The following SYNE1 variants were observed in gnomAD, a reference collection of about 807,000 sequenced individuals.
The protein encoded by SYNE1 is nesprin-1.
SYNE1 carries 616 observed loss-of-function variants against 1,111.0 expected under a neutral mutation model. The observed-to-expected ratio is 0.55, with a 90% CI of 0.52 to 0.59. SYNE1 has a LOEUF of 0.59. Ranked by LOEUF, SYNE1 falls within the 20% of genes least tolerant of loss-of-function variation. The pLI is 0.00. For missense variants in SYNE1, 10,006 were observed against 10,417.0 expected, an observed-to-expected ratio of 0.96 and a Z score of 1.72; for synonymous variants, 3,855 against 3,825.8, an observed-to-expected ratio of 1.01 and a Z score of -0.28.
At chr6:152,189,219 TC>T in intron 128 of SYNE1, 32 bp downstream of exon 128, 1 of 1,611,334 alleles carries the variant, frequency 6.2e-7, no homozygotes, top group Non-Finnish European at 8.5e-7. Context: ...TTTTCCATCA[TC>T]AAGATAATTC....
chr6:152,419,066 G>A (rs1411996550), intron 40 of SYNE1, among the ~76,000 whole-genome samples: 1 of 152,046 alleles, frequency 6.6e-6, no homozygotes, highest in Admixed American at 6.6e-5. Flanking sequence ...CTGTTAATTG[G>A]TCTATTGTCA....
intron 108 of SYNE1, among the ~76,000 whole-genome samples, chr6:152,237,685 A>G (rs1283567332): frequency 6.6e-6 from 1 of 152,212 alleles, no homozygotes; most frequent in Non-Finnish European, 1.5e-5. Flanking sequence ...TTTGCCTTTC[A>G]TGTAACGAGT....
In SYNE1 at chr6:152,350,351, T is replaced by C. The variant is rs2096719528; in HGVS notation, c.11734-16A>G. ...AGACATGCTCCTGCAAAACCAGGTG[T>C]CCATCAGAGATGACTTTCAAGTGAA... On this transcript the variant is annotated splice_polypyrimidine_tract_variant and intron_variant, in intron 71 of 145. Coordinates refer to ENST00000367255, the MANE Select transcript of SYNE1 (RefSeq NM_182961.4). The C allele has an allele frequency of 6.2e-7, 1 of 1,614,100 alleles. No individual in the cohort carries two copies. Among genetic ancestry groups the C allele is most frequent in the East Asian group, 2.2e-5 (1 of 44,882 alleles).
In SYNE1 at chr6:152,321,353, A is replaced by G. The variant is rs145746213; in HGVS notation, c.16121T>C (p.Ile5374Thr). The G allele has an allele frequency of 1.9e-6, 3 of 1,613,860 alleles. No homozygotes were observed. Among genetic ancestry groups the G allele is most frequent in the East Asian group, 2.2e-5 (1 of 44,820 alleles). Reference protein sequence around the residue: ...LTEATNHRQNIEKMAEEQKEK... With the variant: ...LTEATNHRQNTEKMAEEQKEK... ...CTTCTGTTCTTCTGCCATTTTTTCA[A>G]TGTTCTGTCGGTGATTTGTGGCTTC... Residue 5374 changes from isoleucine (I) to threonine (T), a missense_variant, in exon 84 of 146, where the codon ATT (isoleucine) becomes ACT (threonine). Ile to Thr is a moderately conservative substitution (Grantham distance 89). This residue lies in a region of SYNE1 where 4,955 missense variants were observed against 5,017.2 expected (regional missense o/e 0.99). Transcript: ENST00000367255.
rs1491325286 is a variant in SYNE1, at chr6:152,596,265, T to TG, written c.67+31999dup. Among the ~76,000 whole-genome samples the TG allele has an allele frequency of 3.9e-3, 454 of 117,728 alleles. 8 individuals are homozygous for TG. The highest frequency in any genetic ancestry group is 0.014 in the African/African-American group (433 of 31,692). The allele number at this position is 117,728 out of a possible 152,430, so 77.2% of individuals were successfully genotyped here. On this transcript the variant is annotated intron_variant, in intron 3 of 145. Transcript: ENST00000367255. ...AAAGTTATGATTACAGTTTTTTGTT[T>TG]GTTTGTTTTTTTTTTTTTTTGAGAT...
intron 3 of SYNE1, among the ~76,000 whole-genome samples, chr6:152,552,278 A>G (rs1337960803): frequency 6.6e-6 from 1 of 152,116 alleles, no homozygotes; most frequent in African/African-American, 2.4e-5. Flanking sequence ...GCTTTTCATC[A>G]AATTACTGCT....
intron 3 of SYNE1, among the ~76,000 whole-genome samples, chr6:152,566,336 T>C (rs1245348461): frequency 6.8e-6 from 1 of 146,746 alleles, no homozygotes; most frequent in Non-Finnish European, 1.5e-5. Context: ...CCTTTCTTTG[T>C]ATTTTCGTTT....
At chr6:152,501,506 A>G (rs2099029783) in intron 10 of SYNE1, among the ~76,000 whole-genome samples, 1 of 152,202 alleles carries the variant, frequency 6.6e-6, no homozygotes, top group Non-Finnish European at 1.5e-5. Flanking sequence ...AGGCAGAGGC[A>G]GGCAGATCAC....
In SYNE1 at chr6:152,236,710, A is replaced by G; in HGVS notation, c.20199+107T>C. ...ATCTCCTTTCAATGTCAATAACTTG[A>G]AAGAAAAGTAAAAGTACTAATAAAA... On this transcript the variant is annotated intron_variant, in intron 109 of 145. Transcript: ENST00000367255. 6 of 1,351,934 alleles carry G rather than the reference A, an allele frequency of 4.4e-6. No homozygotes were observed. In the South Asian group the frequency reaches 7.2e-5, roughly 16 times the overall value. 83.7% of individuals were successfully genotyped at this position (1,351,934 alleles called of 1,614,324 possible). A position where few individuals can be genotyped will look rare whatever the true frequency, so the allele number is the denominator to read the frequency against.
chr6:152,315,961 G>A (rs2095707368), intron 87 of SYNE1: 1 of 152,084 alleles, frequency 6.6e-6, no homozygotes, highest in East Asian at 1.9e-4. Flanking sequence ...AGGCCACAAG[G>A]ATACATAAAT....
chr6:152,506,829 G>A (rs866134793), intron 8 of SYNE1, among the ~76,000 whole-genome samples: 7 of 152,018 alleles, frequency 4.6e-5, no homozygotes, highest in Non-Finnish European at 5.9e-5. Flanking sequence ...CACCTGCCTC[G>A]GCCCCCCAAA....
At chr6:152,166,166 G>T (rs1245597686) in intron 130 of SYNE1, among the ~76,000 whole-genome samples, 1 of 152,036 alleles carries the variant, frequency 6.6e-6, no homozygotes, top group Non-Finnish European at 1.5e-5. Flanking sequence ...TTAGTTCCCT[G>T]GTATTATTCA....
At position 152,295,120 on chromosome 6, in the gene SYNE1, G is replaced by A. The variant is rs74895803; in HGVS notation, c.17683-993C>T. ...AGACTGGGACAGCTGAGATTCTAGC[G>A]AAATTCTCCTCTTGTGTAGCTATAT... On this transcript the variant is annotated intron_variant, in intron 93 of 145. Coordinates refer to ENST00000367255, the MANE Select transcript of SYNE1 (RefSeq NM_182961.4). Among the ~76,000 whole-genome samples the A allele has an allele frequency of 1.3e-3, 201 of 152,314 alleles. 3 individuals are homozygous for A. In the East Asian group the frequency reaches 0.026, roughly 20 times the overall value.
chr6:152,476,341 A>G (rs1199892839), intron 14 of SYNE1, among the ~76,000 whole-genome samples: 1 of 152,154 alleles, frequency 6.6e-6, no homozygotes. Context: ...ACAGCCCCCA[A>G]ATCATAGTGT....
chr6:152,604,632 T>C (rs1251143276), intron 3 of SYNE1, among the ~76,000 whole-genome samples: 2 of 152,078 alleles, frequency 1.3e-5, no homozygotes, highest in East Asian at 3.9e-4. Context: ...AAAAAAGTTA[T>C]AGAAATCTAT....
At chr6:152,236,373 C>A in intron 109 of SYNE1, 70 bp from the exon 110 acceptor site, 1 of 1,111,954 alleles carries the variant, frequency 9.0e-7, no homozygotes, top group Non-Finnish European at 1.3e-6. Flanking sequence ...TATAATTTCT[C>A]TGGTACCTAC....
chr6:152,580,448 C>T (rs2099515630), intron 3 of SYNE1, among the ~76,000 whole-genome samples: 1 of 152,096 alleles, frequency 6.6e-6, no homozygotes, highest in African/African-American at 2.4e-5. Flanking sequence ...AATATTTTCT[C>T]CCATTCTGTA....
intron 46 of SYNE1, 133 bp from the exon 47 acceptor site, chr6:152,401,474 A>C (rs759136830): frequency 1.4e-4 from 115 of 849,484 alleles, no homozygotes; most frequent in Non-Finnish European, 2.0e-4. Context: ...TCCAATGTTA[A>C]TATGCCTTTC....
At position 152,310,098 on chromosome 6, in the gene SYNE1, C is replaced by T. The variant is rs567469628; in HGVS notation, c.17020-81G>A. ...AGCAAAAGGCACTAAATTATAGTTA[C>T]GTTGCAAGTTATAAACATTTTGCAA... On this transcript the variant is annotated intron_variant, in intron 89 of 145. Transcript: ENST00000367255. 104 of 1,463,630 alleles carry T rather than the reference C, an allele frequency of 7.1e-5. 1 individual carries two copies. The highest frequency in any genetic ancestry group is 3.6e-4 in the South Asian group (29 of 81,264). The allele number at this position is 1,463,630 out of a possible 1,614,324, so 90.7% of individuals were successfully genotyped here. A position where few individuals can be genotyped will look rare whatever the true frequency, so the allele number is the denominator to read the frequency against.
Sources: allele counts gnomAD v4.1 joint callset (sites outside exome capture counted in the v4.1 genomes callset), GRCh38; gene constraint gnomAD v4.1.1; regional missense constraint gnomAD v4.1.1; transcripts MANE v1.5; gene names NCBI Gene and HGNC (gene_info 2026-07-23, HGNC 2026-07-21).